The following PEX5L variants were observed in gnomAD, a reference collection of about 807,000 sequenced individuals.
PEX5L encodes the protein peroxisomal biogenesis factor 5 like.
PEX5L carries 30 observed loss-of-function variants against 84.0 expected under a neutral mutation model. The observed-to-expected ratio is 0.36, with a 90% CI of 0.27 to 0.48. The LOEUF is 0.48. Among genes scored for constraint, PEX5L ranks in the 20% least tolerant of loss-of-function variants. The pLI, the probability that PEX5L is intolerant of heterozygous loss-of-function variation, is 0.99. For synonymous variants in PEX5L, 270 were observed against 283.1 expected, an observed-to-expected ratio of 0.95 and a Z score of 0.46; for missense variants, 533 against 754.6, an observed-to-expected ratio of 0.71 and a Z score of 3.44.
At chr3:180,014,482 AAG>A (rs1472399406) in intron 1 of PEX5L, among the ~76,000 whole-genome samples, 1 of 152,136 alleles carries the variant, frequency 6.6e-6, no homozygotes, top group African/African-American at 2.4e-5. Flanking sequence ...AAAAAAAAAA[AAG>A]AATGCAGACA....
In PEX5L at chr3:179,798,625, T is replaced by C. The variant is rs2108621154; in HGVS notation, c.*3203A>G. On this transcript the variant is annotated 3_prime_UTR_variant, in exon 15 of 15. Transcript: ENST00000467460. ...CCGTATGTAGCCATTCTAGTAAGAA[T>C]ACCCTCTTCTAGGAGCTGTTAGGCT... is the stretch of plus-strand genomic sequence containing the variant. The C allele has an allele frequency of 6.6e-6, 1 of 152,318 alleles. No individual in the cohort carries two copies. Among genetic ancestry groups the C allele is most frequent in the East Asian group, 1.9e-4 (1 of 5,186 alleles). 9.4% of individuals were successfully genotyped at this position (152,318 alleles called of 1,614,324 possible).
At chr3:179,877,247 T>C (rs1055988135) in intron 5 of PEX5L, among the ~76,000 whole-genome samples, 1 of 152,214 alleles carries the variant, frequency 6.6e-6, no homozygotes, top group Non-Finnish European at 1.5e-5. Context: ...GCTGAATAAG[T>C]TCATTGTCTG....
chr3:179,968,061 A>G (rs1043486200), intron 2 of PEX5L, among the ~76,000 whole-genome samples: 7 of 152,134 alleles, frequency 4.6e-5, no homozygotes, highest in African/African-American at 1.7e-4. Flanking sequence ...GAGTCCTATA[A>G]CCCAATAAAT....
At chr3:180,019,281 T>C (rs892249654) in intron 1 of PEX5L, among the ~76,000 whole-genome samples, 1 of 152,216 alleles carries the variant, frequency 6.6e-6, no homozygotes, top group Non-Finnish European at 1.5e-5. Flanking sequence ...ACTCATATAA[T>C]CGTGCTTACT....
intron 7 of PEX5L, among the ~76,000 whole-genome samples, chr3:179,864,719 CAT>C (rs1747500228): frequency 6.6e-6 from 1 of 152,000 alleles, no homozygotes; most frequent in African/African-American, 2.4e-5. Context: ...TGAGTGAATG[CAT>C]ATGTTAATTA....
intron 11 of PEX5L, 131 bp downstream of exon 11, chr3:179,811,670 G>C: frequency 1.4e-6 from 1 of 714,422 alleles, no homozygotes. Context: ...AGTGATATGC[G>C]GTATCTCAGC....
chr3:179,854,192 C>T (rs1314991277), intron 8 of PEX5L, among the ~76,000 whole-genome samples: 1 of 151,508 alleles, frequency 6.6e-6, no homozygotes, highest in African/African-American at 2.4e-5. Flanking sequence ...AAAAGATCCT[C>T]ACCCATATAA....
chr3:179,881,969 C>G (rs1431065183), intron 4 of PEX5L, among the ~76,000 whole-genome samples: 1 of 152,020 alleles, frequency 6.6e-6, no homozygotes, highest in Non-Finnish European at 1.5e-5. Context: ...GGCTTTATGT[C>G]TAAAATGTAA....
chr3:180,024,382 A>AT (rs1553929519), intron 1 of PEX5L, among the ~76,000 whole-genome samples: 9 of 114,762 alleles, frequency 7.8e-5, no homozygotes, highest in African/African-American at 2.9e-4. Context: ...ATACACACAC[A>AT]AAAAAAAAAA....
chr3:179,830,912 A>T (rs963081749), intron 8 of PEX5L, among the ~76,000 whole-genome samples: 2 of 152,210 alleles, frequency 1.3e-5, no homozygotes, highest in Non-Finnish European at 1.5e-5. Flanking sequence ...ATTTTCAGTC[A>T]CTTGCCTGTA....
chr3:179,862,299 T>C (rs1168592576), intron 7 of PEX5L, among the ~76,000 whole-genome samples: 1 of 152,238 alleles, frequency 6.6e-6, no homozygotes, highest in African/African-American at 2.4e-5. Flanking sequence ...TATTTTGCTA[T>C]ATCTGGCCAC....
intron 14 of PEX5L, among the ~76,000 whole-genome samples, chr3:179,803,731 T>C (rs900037406): frequency 6.6e-6 from 1 of 152,258 alleles, no homozygotes; most frequent in African/African-American, 2.4e-5. Context: ...TAAGAAACTT[T>C]GAAAATGAGA....
At position 179,921,464 on chromosome 3, in the gene PEX5L, C is replaced by T. The variant is rs1204887318; in HGVS notation, c.94-23218G>A. 3.9e-5 allele frequency: 6 copies of T among 152,216 alleles called. No individual in the cohort carries two copies. The South Asian group carries it at 1.0e-3, about 26-fold the overall frequency. The allele number at this position is 152,216 out of a possible 1,614,324, so 9.4% of individuals were successfully genotyped here. A position where few individuals can be genotyped will look rare whatever the true frequency, so the allele number is the denominator to read the frequency against. On this transcript the variant is annotated intron_variant, in intron 2 of 14. Transcript: ENST00000467460. ...GGCAACTCACATTTGAACTAAATCACAAATGTATTCTGTTCAATTATTTGC... is the reference window on the plus strand; with the variant it reads ...GGCAACTCACATTTGAACTAAATCATAAATGTATTCTGTTCAATTATTTGC...
At chr3:179,942,034 A>AAG (rs1553908759) in intron 2 of PEX5L, among the ~76,000 whole-genome samples, 12 of 151,556 alleles carry the variant, frequency 7.9e-5, no homozygotes, top group African/African-American at 2.9e-4. Flanking sequence ...AAAAAAAAAA[A>AAG]AAGAAGAAAA....
At chr3:179,862,751 T>C (rs897511760) in intron 7 of PEX5L, among the ~76,000 whole-genome samples, 3 of 152,188 alleles carry the variant, frequency 2.0e-5, no homozygotes, top group Non-Finnish European at 4.4e-5. Flanking sequence ...TTGTTAAATT[T>C]CCCAAACACT....
intron 14 of PEX5L, among the ~76,000 whole-genome samples, chr3:179,805,498 TA>T (rs1292787243): frequency 3.3e-5 from 5 of 151,948 alleles, no homozygotes; most frequent in African/African-American, 1.2e-4. Context: ...TTATAACTAA[TA>T]AAATGTAAAT....
intron 10 of PEX5L, among the ~76,000 whole-genome samples, chr3:179,814,084 G>T (rs1344020557): frequency 1.3e-5 from 2 of 151,310 alleles, no homozygotes; most frequent in Non-Finnish European, 2.9e-5. Flanking sequence ...GCCTCCCAAA[G>T]TGCTGAGATT....
chr3:179,932,182 A>T (rs772785632), intron 2 of PEX5L, among the ~76,000 whole-genome samples: 5 of 152,166 alleles, frequency 3.3e-5, no homozygotes, highest in African/African-American at 7.2e-5. Flanking sequence ...AGACTGGAAG[A>T]TCTCCAGGAC....
rs117590607 is a variant in PEX5L at position 180,017,306 on chromosome 3, C to T, written c.21+19273G>A. 2.0e-5 allele frequency among the ~76,000 whole-genome samples: 3 copies of T among 152,262 alleles called. No homozygotes were observed. The East Asian group carries it at 5.8e-4, about 29-fold the overall frequency. ...GGAAAGGGACATTTTCCTCACATAACATCTAGGTTTTGAAATAACACTGGA... is the reference window on the plus strand; with the variant it reads ...GGAAAGGGACATTTTCCTCACATAATATCTAGGTTTTGAAATAACACTGGA... On this transcript the variant is annotated intron_variant, in intron 1 of 14. Transcript: ENST00000467460.
Sources: gnomAD v4.1 joint callset for allele counts (sites outside exome capture counted in the v4.1 genomes callset) on GRCh38, gnomAD v4.1.1 for gene constraint, MANE v1.5 for transcripts, NCBI Gene and HGNC (gene_info 2026-07-23, HGNC 2026-07-21) for gene names.